KIF20B: variants seen among roughly 807,000 people sequenced by gnomAD.
The protein encoded by KIF20B is kinesin family member 20B.
KIF20B carries 188 observed loss-of-function variants against 232.5 expected under a neutral mutation model. That is an observed-to-expected ratio of 0.81 (90% CI 0.72 to 0.91). The LOEUF (loss-of-function observed/expected upper bound fraction) is 0.91, where lower values mean the gene tolerates loss of function less well. KIF20B is among the 40% of genes least tolerant of loss of function. The probability of loss-of-function intolerance (pLI) is 0.00; values close to 1 mark genes in which losing one functional copy is unlikely to be tolerated. For missense variants in KIF20B, 2,154 were observed against 2,055.9 expected, an observed-to-expected ratio of 1.05 and a Z score of -0.92; for synonymous variants, 712 against 683.0, an observed-to-expected ratio of 1.04 and a Z score of -0.66.
At chr10:89,733,691 C>CA (rs879363671) in intron 19 of KIF20B, among the ~76,000 whole-genome samples, 2 of 152,052 alleles carry the variant, frequency 1.3e-5, no homozygotes, top group African/African-American at 2.4e-5. Flanking sequence ...AGAAACGCTT[C>CA]AAAAAGAAAC....
intron 32 of KIF20B, among the ~76,000 whole-genome samples, chr10:89,773,380 T>A (rs1842505283): frequency 6.6e-6 from 1 of 151,804 alleles, no homozygotes; most frequent in African/African-American, 2.4e-5. Context: ...AAAAAATAAT[T>A]AAAAGAAATT....
chr10:89,727,259 C>CTT (rs1843211645), intron 16 of KIF20B, among the ~76,000 whole-genome samples: 1 of 114,176 alleles, frequency 8.8e-6, no homozygotes. Context: ...CTTCCCCCCC[C>CTT]CTTTTTTTTT....
intron 1 of KIF20B, among the ~76,000 whole-genome samples, chr10:89,703,600 C>T (rs1842657356): frequency 6.6e-6 from 1 of 152,072 alleles, no homozygotes; most frequent in Admixed American, 6.5e-5. Flanking sequence ...TCTTGATAAT[C>T]CCGGGTTTTA....
intron 6 of KIF20B, among the ~76,000 whole-genome samples, chr10:89,712,535 T>G (rs981156432): frequency 6.6e-6 from 1 of 152,230 alleles, no homozygotes; most frequent in South Asian, 2.1e-4. Flanking sequence ...GATTACATGT[T>G]TGAGCTGCCA....
chr10:89,768,384 A>G lies in KIF20B; in HGVS notation c.5084A>G (p.Glu1695Gly). The G allele has an allele frequency of 6.4e-7, 1 of 1,552,012 alleles. No individual in the cohort carries two copies. The highest frequency in any genetic ancestry group is 8.8e-7 in the Non-Finnish European group (1 of 1,136,394). ...SDDRNSSVKK[E>G]QKVAIRPSSK... ...GATAGAAATTCTTCTGTCAAAAAGG[A>G]ACAAAAGGTGTGTCTTTTAATTTGT... Residue 1695 changes from glutamate to glycine, a missense_variant, in exon 30 of 33, where the codon GAA (glutamate) becomes GGA (glycine). Glu to Gly is a moderately conservative substitution (Grantham distance 98). Transcript: ENST00000371728.
chr10:89,726,244 G>C, intron 15 of KIF20B, 49 bp from the exon 16 acceptor site: 1 of 1,491,748 alleles, frequency 6.7e-7, no homozygotes, highest in South Asian at 1.4e-5. Context: ...CACATGTAAA[G>C]GGTGAACCCT....
At chr10:89,758,600 C>T (rs1199280101) in intron 26 of KIF20B, 106 bp from the exon 27 acceptor site, 1 of 655,606 alleles carries the variant, frequency 1.5e-6, no homozygotes, top group African/African-American at 1.9e-5. Flanking sequence ...GTCTTGTAAT[C>T]TTGTTTGCAG....
intron 19 of KIF20B, among the ~76,000 whole-genome samples, chr10:89,737,006 C>A (rs1841667717): frequency 6.6e-6 from 1 of 152,064 alleles, no homozygotes; most frequent in Admixed American, 6.5e-5. Context: ...TATGGAATGT[C>A]TGCCTAGGGT....
chr10:89,772,724 C>G lies in KIF20B; in HGVS notation c.5278C>G (p.Leu1760Val), dbSNP rs878945925. ...AATTGAAACAATGAGCTCTTCAAAG[C>G]TCTCAAATGTAGAAGCAAGTAAAGA... The part of the protein sequence containing the change: ...KIIETMSSSK[L>V]SNVEASKENV... The change falls in exon 32 of 33, where the codon CTC becomes GTC. Residue 1760 changes from leucine (L) to valine (V), a missense_variant. Leu to Val is a conservative substitution (Grantham distance 32, BLOSUM62 1). Transcript: ENST00000371728. The G allele has an allele frequency of 6.2e-7, 1 of 1,602,442 alleles. No individual in the cohort carries two copies. Among genetic ancestry groups the G allele is most frequent in the Non-Finnish European group, 8.5e-7 (1 of 1,171,640 alleles).
At chr10:89,745,822 C>G in intron 22 of KIF20B, 77 bp from the exon 23 acceptor site, 1 of 920,636 alleles carries the variant, frequency 1.1e-6, no homozygotes, top group Non-Finnish European at 1.7e-6. Flanking sequence ...AATATTGAGC[C>G]CTGTTTTCAA....
intron 7 of KIF20B, among the ~76,000 whole-genome samples, chr10:89,714,672 A>G (rs1195063678): frequency 6.6e-6 from 1 of 152,168 alleles, no homozygotes; most frequent in Non-Finnish European, 1.5e-5. Context: ...TACAATTTTA[A>G]TATTGAATTT....
At chr10:89,739,245 G>T in intron 21 of KIF20B, 149 bp downstream of exon 21, 2 of 796,288 alleles carry the variant, frequency 2.5e-6, no homozygotes, top group Non-Finnish European at 3.8e-6. Flanking sequence ...CTTCACGAGA[G>T]AAAATTTAGC....
At position 89,717,739 on chromosome 10, in the gene KIF20B, G is replaced by A. The variant is rs764390114; in HGVS notation, c.1271+17G>A. The A allele has an allele frequency of 1.3e-6, 2 of 1,544,704 alleles. No individual in the cohort carries two copies. The highest frequency in any genetic ancestry group is 1.8e-6 in the Non-Finnish European group (2 of 1,136,826). Reference sequence around the variant, plus strand: ...AAAGTCAAAGTAAGTGTTTCTGAAAGTGTTATTAGCATATTAAATATTACA... The same window carrying A: ...AAAGTCAAAGTAAGTGTTTCTGAAAATGTTATTAGCATATTAAATATTACA... On this transcript the variant is annotated intron_variant, in intron 11 of 32. Transcript: ENST00000371728.
intron 19 of KIF20B, among the ~76,000 whole-genome samples, chr10:89,734,772 A>G (rs1331219851): frequency 6.6e-6 from 1 of 152,212 alleles, no homozygotes; most frequent in East Asian, 1.9e-4. Context: ...TTTGAATTTC[A>G]TAACTACAAG....
At chr10:89,762,493 A>C (rs1842262946) in intron 28 of KIF20B, 145 bp from the exon 29 acceptor site, 5 of 615,048 alleles carry the variant, frequency 8.1e-6, no homozygotes, top group African/African-American at 1.9e-5. Context: ...ATGATTGCTC[A>C]ATCTTTCTGT....
At chr10:89,731,187 GAC>G (rs1445351791) in intron 18 of KIF20B, among the ~76,000 whole-genome samples, 1 of 152,144 alleles carries the variant, frequency 6.6e-6, no homozygotes, top group African/African-American at 2.4e-5. Context: ...GAAAGTCAGA[GAC>G]AGGTCATTTC....
rs201942257 is a variant in KIF20B, at chr10:89,762,626, A to G, written c.4792-12A>G. ...CTACAAATAATATTTTTCCTTTTAC[A>G]TTCTGTTGTAGGATGGATCTGTAGT... On this transcript the variant is annotated splice_polypyrimidine_tract_variant and intron_variant, in intron 28 of 32. Coordinates refer to ENST00000371728, the MANE Select transcript of KIF20B (RefSeq NM_001284259.2). 7 of 1,593,580 alleles carry G rather than the reference A, an allele frequency of 4.4e-6. No individual in the cohort carries two copies. In the East Asian group the frequency reaches 8.9e-5, roughly 20 times the overall value.
intron 17 of KIF20B, 139 bp from the exon 18 acceptor site, chr10:89,728,989 A>G (rs1213139709): frequency 5.7e-6 from 4 of 706,584 alleles, no homozygotes; most frequent in Non-Finnish European, 8.1e-6. Flanking sequence ...CATGCTGTGC[A>G]TAGTGTGTTG....
intron 29 of KIF20B, among the ~76,000 whole-genome samples, chr10:89,764,391 C>T (rs377107491): frequency 6.6e-6 from 1 of 152,052 alleles, no homozygotes; most frequent in Non-Finnish European, 1.5e-5. Context: ...GCATGATTTA[C>T]AGTCCTTTGG....
Sources: allele counts gnomAD v4.1 joint callset (sites outside exome capture counted in the v4.1 genomes callset), GRCh38; gene constraint gnomAD v4.1.1; transcripts MANE v1.5; gene names NCBI Gene and HGNC (gene_info 2026-07-23, HGNC 2026-07-21).